Variants in DGKB observed in about 807,000 individuals in gnomAD.
DGKB encodes the protein 90 kDa diacylglycerol kinase.
DGKB carries 67 observed loss-of-function variants against 114.3 expected under a neutral mutation model. The ratio of observed to expected loss-of-function variants is 0.59; its 90% confidence interval spans 0.48 to 0.72. The LOEUF (loss-of-function observed/expected upper bound fraction) is 0.72. Among genes scored for constraint, DGKB ranks in the 30% least tolerant of loss-of-function variants. The pLI is 0.00. For synonymous variants in DGKB, 398 were observed against 323.1 expected (o/e 1.23, Z -2.49); for missense variants, 907 against 975.2 (o/e 0.93, Z 0.93).
intron 25 of DGKB, among the ~76,000 whole-genome samples, chr7:14,175,643 G>A (rs921534710): frequency 6.6e-6 from 1 of 152,132 alleles, no homozygotes; most frequent in Admixed American, 6.6e-5. Context: ...TAAATCAGAT[G>A]ATGCTTAAAG....
chr7:14,183,870 T>G (rs1782997405), intron 23 of DGKB, among the ~76,000 whole-genome samples: 1 of 152,172 alleles, frequency 6.6e-6, no homozygotes, highest in Non-Finnish European at 1.5e-5. Context: ...CTCAATAGAT[T>G]GCAAGAACAA....
intron 13 of DGKB, among the ~76,000 whole-genome samples, chr7:14,631,891 A>G (rs1208859056): frequency 6.6e-5 from 10 of 151,956 alleles, no homozygotes; most frequent in African/African-American, 2.4e-4. Context: ...AATCCTATGG[A>G]TCCTTATCCC....
chr7:14,532,953 C>T (rs1299068066), intron 20 of DGKB, among the ~76,000 whole-genome samples: 1 of 151,578 alleles, frequency 6.6e-6, no homozygotes, highest in Non-Finnish European at 1.5e-5. Flanking sequence ...GACACCATTG[C>T]AAGAATAAAA....
chr7:14,329,997 A>G (rs1490801181), intron 23 of DGKB, among the ~76,000 whole-genome samples: 1 of 152,052 alleles, frequency 6.6e-6, no homozygotes, highest in African/African-American at 2.4e-5. Flanking sequence ...AGAAACAAAT[A>G]AGATGATAAT....
chr7:14,587,816 A>G (rs2128739067), intron 17 of DGKB, among the ~76,000 whole-genome samples: 1 of 152,264 alleles, frequency 6.6e-6, no homozygotes, highest in Admixed American at 6.5e-5. Flanking sequence ...ATTAAGGTAT[A>G]TACATTTTTT....
chr7:14,473,437 AG>A (rs1781713744), intron 21 of DGKB, among the ~76,000 whole-genome samples: 1 of 152,206 alleles, frequency 6.6e-6, no homozygotes, highest in Non-Finnish European at 1.5e-5. Context: ...CCCAGGAAGC[AG>A]TTTGCTGCAG....
chr7:14,857,258 T>TGTGTGTGTGTGTGTGTGTGTG (rs1850297654), intron 1 of DGKB, among the ~76,000 whole-genome samples: 1 of 138,262 alleles, frequency 7.2e-6, no homozygotes, highest in African/African-American at 2.7e-5. Flanking sequence ...CTGTGTGTGT[T>TGTGTGTGTGTGTGTGTGTGTG]TGTGTGTGTG....
intron 21 of DGKB, among the ~76,000 whole-genome samples, chr7:14,385,411 T>C (rs796449757): frequency 6.6e-5 from 10 of 152,304 alleles, no homozygotes; most frequent in African/African-American, 2.4e-4. Context: ...CCAGGGAAGA[T>C]GTACTAGGTC....
At chr7:14,908,726 T>C (rs1296602904) in intron 1 of DGKB, among the ~76,000 whole-genome samples, 2 of 152,166 alleles carry the variant, frequency 1.3e-5, no homozygotes, top group Non-Finnish European at 2.9e-5. Context: ...CTGTAACTTC[T>C]ATAAAGACAG....
rs918635693 is a variant in DGKB, at chr7:14,779,420, C to T, written c.71-21689G>A. On this transcript the variant is annotated intron_variant, in intron 2 of 25. Coordinates refer to ENST00000402815, the MANE Select transcript of DGKB (RefSeq NM_001350709.2). ...GGTCTGGTGGCACATGCCTATAGTCCCAACTACGCAGGAGGTTGAGGCTGA... is the reference window on the plus strand; with the variant it reads ...GGTCTGGTGGCACATGCCTATAGTCTCAACTACGCAGGAGGTTGAGGCTGA... Among the ~76,000 whole-genome samples the T allele has an allele frequency of 4.6e-5, 7 of 151,928 alleles. No homozygotes were observed. In the South Asian group the frequency reaches 6.2e-4, roughly 14 times the overall value.
intron 14 of DGKB, among the ~76,000 whole-genome samples, chr7:14,622,040 T>C (rs1038232074): frequency 5.3e-5 from 8 of 151,968 alleles, no homozygotes; most frequent in African/African-American, 1.7e-4. Flanking sequence ...CCTGTTTCTA[T>C]TTCCTCTCTT....
intron 1 of DGKB, among the ~76,000 whole-genome samples, chr7:14,889,727 G>T (rs1488672708): frequency 6.6e-6 from 1 of 151,446 alleles, no homozygotes; most frequent in African/African-American, 2.4e-5. Context: ...GAAAGGAAAA[G>T]AGTCCTAAAA....
intron 23 of DGKB, among the ~76,000 whole-genome samples, chr7:14,311,587 G>A (rs577682287): frequency 7.2e-5 from 11 of 152,044 alleles, no homozygotes; most frequent in South Asian, 4.2e-4. Flanking sequence ...CATGCCTGGC[G>A]AACTTCTTTT....
intron 21 of DGKB, among the ~76,000 whole-genome samples, chr7:14,379,497 T>C (rs749637380): frequency 2.6e-5 from 4 of 151,768 alleles, no homozygotes; most frequent in African/African-American, 4.8e-5. Flanking sequence ...GCGCTCTGAC[T>C]AGTGTCTAGT....
At chr7:14,411,185 C>T (rs531395416) in intron 21 of DGKB, among the ~76,000 whole-genome samples, 1 of 152,030 alleles carries the variant, frequency 6.6e-6, no homozygotes, top group African/African-American at 2.4e-5. Context: ...GCTTTGTGTT[C>T]GATGATTTTC....
chr7:14,526,832 C>T (rs530055049), intron 20 of DGKB, among the ~76,000 whole-genome samples: 22 of 152,204 alleles, frequency 1.4e-4, no homozygotes, highest in African/African-American at 4.6e-4. Context: ...CAGACACACA[C>T]ACATTGATGT....
At chr7:14,970,507 G>C (rs1334264036) in intron 1 of DGKB, among the ~76,000 whole-genome samples, 1 of 151,938 alleles carries the variant, frequency 6.6e-6, no homozygotes, top group Non-Finnish European at 1.5e-5. Context: ...ATAAATGTTA[G>C]TCGATTGAAT....
rs1222158095 is a variant in DGKB at position 14,169,112 on chromosome 7, C to A, written c.2304+7727G>T. ...CAGTGGCTCACGCCTGTAATCCCAG[C>A]ACTTTGGGAGGCCGAGGCTTGTGGA... On this transcript the variant is annotated intron_variant, in intron 25 of 25. Transcript: ENST00000402815. Among the ~76,000 whole-genome samples the A allele has an allele frequency of 2.0e-5, 3 of 151,722 alleles. No homozygotes were observed. The East Asian group carries it at 5.8e-4, about 29-fold the overall frequency.
chr7:14,741,963 A>G (rs540585623), intron 4 of DGKB, among the ~76,000 whole-genome samples: 27 of 152,290 alleles, frequency 1.8e-4, no homozygotes, highest in African/African-American at 5.5e-4. Context: ...TGTTTTTCTG[A>G]GAAAGGTTTT....
Sources: allele counts gnomAD v4.1 joint callset (sites outside exome capture counted in the v4.1 genomes callset), GRCh38; gene constraint gnomAD v4.1.1; transcripts MANE v1.5; gene names NCBI Gene and HGNC (gene_info 2026-07-23, HGNC 2026-07-21).